The following PYGO1 variants were observed in gnomAD, a reference collection of about 807,000 sequenced individuals.
The protein encoded by PYGO1 is pygopus family PHD finger 1.
In PYGO1, 6 loss-of-function variants were observed where a neutral mutation model predicts 29.5. The ratio of observed to expected loss-of-function variants is 0.20; its 90% CI spans 0.11 to 0.40. The LOEUF (loss-of-function observed/expected upper bound fraction) is 0.40, where lower values mean the gene tolerates loss of function less well. Ranked by LOEUF, PYGO1 falls within the 10% of genes least tolerant of loss-of-function variation. The pLI is 1.00. For missense variants in PYGO1, 515 were observed against 514.9 expected (o/e 1.00, Z 0.00); for synonymous variants, 186 against 180.5 (o/e 1.03, Z -0.24).
At chr15:55,548,763 C>CA in intron 2 of PYGO1, 147 bp downstream of exon 2, 1 of 239,246 alleles carries the variant, frequency 4.2e-6, no homozygotes. Context: ...AGTACCATCA[C>CA]TGGAATGATT....
intron 1 of PYGO1, among the ~76,000 whole-genome samples, chr15:55,584,315 C>A (rs1273727002): frequency 3.3e-5 from 5 of 151,946 alleles, no homozygotes; most frequent in Non-Finnish European, 5.9e-5. Context: ...GACAGGTTGT[C>A]GTCCAGGCTG....
intron 1 of PYGO1, among the ~76,000 whole-genome samples, chr15:55,571,561 A>C (rs189576571): frequency 1.3e-5 from 2 of 152,228 alleles, no homozygotes; most frequent in Admixed American, 1.3e-4. Flanking sequence ...TGACGGTTTT[A>C]CAAACAGGGG....
At position 55,539,781 on chromosome 15, in the gene PYGO1, C is replaced by A. The variant is rs2058821452; in HGVS notation, c.*6242G>T. ...TATCAATAGTCCACAATCAAAAGTA[C>A]AAAATATACCATAACCATGCCGAAT... On this transcript the variant is annotated 3_prime_UTR_variant, in exon 3 of 3. Transcript: ENST00000563719. The A allele has an allele frequency of 6.6e-6, 1 of 151,874 alleles. No homozygotes were observed. Among genetic ancestry groups the A allele is most frequent in the Admixed American group, 6.6e-5 (1 of 15,250 alleles). 9.4% of individuals were successfully genotyped at this position (151,874 alleles called of 1,614,324 possible). A position where few individuals can be genotyped will look rare whatever the true frequency, so the allele number is the denominator to read the frequency against.
rs957373654 is a variant in PYGO1 at position 55,546,679 on chromosome 15, A to G, written c.604T>C (p.Ser202Pro). ...GAATTATTTCCAGGAACAAAATTAG[A>G]TGCCAAATCGGGGTTAGAAACTTGG... ...ASQVSNPDLA[S>P]NFVPGNNSNF... The change falls in exon 3 of 3, where the codon TCT becomes CCT. Residue 202 changes from serine (S) to proline (P), a missense_variant. Physicochemically the swap from Ser to Pro is moderately conservative, Grantham distance 74. Transcript: ENST00000563719. 1 of 1,614,092 alleles carries G rather than the reference A, an allele frequency of 6.2e-7. No homozygotes were observed. The highest frequency in any genetic ancestry group is 8.5e-7 in the Non-Finnish European group (1 of 1,179,966).
Position 55,545,933 on chromosome 15 carries a change from T to A in PYGO1, c.*90A>T. The A allele has an allele frequency of 7.3e-7, 1 of 1,373,104 alleles. No individual in the cohort carries two copies. Among genetic ancestry groups the A allele is most frequent in the Non-Finnish European group, 9.9e-7 (1 of 1,012,712 alleles). 85.1% of individuals were successfully genotyped at this position (1,373,104 alleles called of 1,614,324 possible). A position where few individuals can be genotyped will look rare whatever the true frequency, so the allele number is the denominator to read the frequency against. ...GTAAATAATGTTTTTGTGTATGCAT[T>A]TAAAAAAATAATGTAAAACATTAAA... On this transcript the variant is annotated 3_prime_UTR_variant, in exon 3 of 3. Transcript: ENST00000563719.
intron 1 of PYGO1, among the ~76,000 whole-genome samples, chr15:55,574,094 C>G (rs573480168): frequency 1.3e-5 from 2 of 152,120 alleles, no homozygotes; most frequent in South Asian, 4.2e-4. Context: ...TTATATGGGT[C>G]CCATGGTGTT....
At chr15:55,582,077 C>G (rs978521858) in intron 1 of PYGO1, among the ~76,000 whole-genome samples, 9 of 151,710 alleles carry the variant, frequency 5.9e-5, no homozygotes, top group African/African-American at 1.2e-4. Context: ...CGTGGTGGCA[C>G]GTGCCTATAA....
intron 1 of PYGO1, among the ~76,000 whole-genome samples, chr15:55,581,023 C>A (rs1326712240): frequency 2.0e-5 from 3 of 152,192 alleles, no homozygotes. Flanking sequence ...AATAATTCCT[C>A]CCTGTAAGGA....
intron 1 of PYGO1, among the ~76,000 whole-genome samples, chr15:55,568,406 T>C (rs2058966526): frequency 6.6e-6 from 1 of 151,654 alleles, no homozygotes; most frequent in South Asian, 2.1e-4. Context: ...TCAGCTTGTA[T>C]ATTACTGGTA....
chr15:55,583,264 T>C (rs2059032702), intron 1 of PYGO1, among the ~76,000 whole-genome samples: 1 of 152,204 alleles, frequency 6.6e-6, no homozygotes, highest in Non-Finnish European at 1.5e-5. Context: ...ATGTATTGAA[T>C]GCTGTATTAA....
intron 1 of PYGO1, among the ~76,000 whole-genome samples, chr15:55,574,311 C>A (rs1297875687): frequency 6.6e-6 from 1 of 152,206 alleles, no homozygotes; most frequent in Non-Finnish European, 1.5e-5. Context: ...TACAGTAGTA[C>A]AGTAAGCACA....
chr15:55,575,155 T>C (rs1367708040), intron 1 of PYGO1, among the ~76,000 whole-genome samples: 4 of 152,210 alleles, frequency 2.6e-5, no homozygotes, highest in African/African-American at 9.6e-5. Flanking sequence ...AGTTTTAAAC[T>C]ATGTATCAGT....
chr15:55,588,733 C>G (rs189288408), upstream of PYGO1: 16,185 of 1,536,764 alleles, frequency 0.011, 150 homozygotes, highest in Non-Finnish European at 9.8e-3. Context: ...AAGGGCATCT[C>G]CGAACTTCGT....
chr15:55,576,227 C>A (rs1276034696), intron 1 of PYGO1, among the ~76,000 whole-genome samples: 1 of 150,726 alleles, frequency 6.6e-6, no homozygotes, highest in Admixed American at 6.6e-5. Flanking sequence ...GAGGCCGAGG[C>A]GGGCGGATCA....
intron 1 of PYGO1, among the ~76,000 whole-genome samples, chr15:55,557,888 A>G (rs1480632082): frequency 6.6e-6 from 1 of 152,226 alleles, no homozygotes; most frequent in Non-Finnish European, 1.5e-5. Context: ...CCAATATCAT[A>G]CTGAATGGGC....
intron 2 of PYGO1, 66 bp downstream of exon 2, chr15:55,548,844 A>C: frequency 1.5e-6 from 2 of 1,346,472 alleles, no homozygotes; most frequent in South Asian, 2.6e-5. Flanking sequence ...ACCAAGTTCA[A>C]ATTTACCTCA....
At chr15:55,588,731 C>G, upstream of PYGO1, 1 of 1,526,310 alleles carries the variant, frequency 6.6e-7, no homozygotes, top group Non-Finnish European at 9.1e-7. Flanking sequence ...GAAAGGGCAT[C>G]TCCGAACTTC....
At chr15:55,549,649 CCTTTT>C (rs2058870059) in intron 1 of PYGO1, among the ~76,000 whole-genome samples, 1 of 152,096 alleles carries the variant, frequency 6.6e-6, no homozygotes, top group African/African-American at 2.4e-5. Context: ...AAGGTATGTG[CCTTTT>C]AATTCTTAAA....
chr15:55,549,168 G>C (rs1011965883), intron 1 of PYGO1, among the ~76,000 whole-genome samples, 173 bp from the exon 2 acceptor site: 4 of 152,032 alleles, frequency 2.6e-5, no homozygotes, highest in African/African-American at 9.7e-5. Flanking sequence ...GTTTGAGCCA[G>C]AAATAGCCAT....
Sources: allele counts gnomAD v4.1 joint callset (sites outside exome capture counted in the v4.1 genomes callset), GRCh38; gene constraint gnomAD v4.1.1; transcripts MANE v1.5; gene names NCBI Gene and HGNC (gene_info 2026-07-23, HGNC 2026-07-21).